TAF1: variants seen among roughly 807,000 people sequenced by gnomAD.
The protein encoded by TAF1 is TATA-box binding protein associated factor 1, also known as transcription initiation factor TFIID subunit 1.
In TAF1, 2 loss-of-function variants were observed where a neutral mutation model predicts 138.5. The ratio of observed to expected loss-of-function variants is 0.01; its 90% CI spans 0.01 to 0.05. The LOEUF (loss-of-function observed/expected upper bound fraction) is 0.05. Ranked by LOEUF, TAF1 falls within the 10% of genes least tolerant of loss-of-function variation. TAF1 has a pLI of 1.00. For synonymous variants in TAF1, 437 were observed against 503.2 expected (o/e 0.87, Z 1.76); for missense variants, 709 against 1,478.0 (o/e 0.48, Z 8.53).
At chrX:71,463,735 TG>T in intron 37 of TAF1, 88 bp from the exon 38 acceptor site, 1 of 894,300 alleles carries the variant, frequency 1.1e-6, no homozygotes, top group Non-Finnish European at 1.6e-6. Flanking sequence ...GGAGGTGAGA[TG>T]GGCTGATCCT....
intron 13 of TAF1, among the ~76,000 whole-genome samples, chrX:71,505,312 G>T (rs1017652012): frequency 7.5e-4 from 83 of 111,100 alleles, no homozygotes; most frequent in African/African-American, 2.4e-3. Context: ...TTAAGCATGG[G>T]CTGGGCTGCA....
intron 22 of TAF1, 36 bp downstream of exon 22, chrX:71,394,281 G>T: frequency 1.7e-6 from 2 of 1,165,399 alleles, no homozygotes; most frequent in Admixed American, 5.2e-5. Context: ...ATAAAAAAGA[G>T]AAGGGTTAAA....
chrX:71,468,844 A>C (rs1188644717), downstream of TAF1, among the ~76,000 whole-genome samples: 1 of 104,870 alleles, frequency 9.5e-6, no homozygotes. Context: ...AAAAAAAGGG[A>C]GCAAGCATAG....
rs2038684171 is a variant in TAF1 at position 71,464,555 on chromosome X, A to G, written c.*509A>G. On this transcript the variant is annotated 3_prime_UTR_variant, in exon 38 of 38. Coordinates refer to ENST00000423759, the MANE Select transcript of TAF1 (RefSeq NM_004606.5). ...CCGCATCTCTACTAAAAATACAAAA[A>G]TTAGCCAGGTGTGGTGGCGTATGCC... 1 of 243,271 alleles carries G rather than the reference A, an allele frequency of 4.1e-6. No individual in the cohort carries two copies. Among genetic ancestry groups the G allele is most frequent in the East Asian group, 6.4e-5 (1 of 15,714 alleles). 20.0% of individuals were successfully genotyped at this position (243,271 alleles called of 1,213,427 possible).
intron 13 of TAF1, among the ~76,000 whole-genome samples, chrX:71,515,971 A>G (rs1405301608): frequency 9.0e-6 from 1 of 111,539 alleles, no homozygotes; most frequent in African/African-American, 3.3e-5. Context: ...GGATGTATCT[A>G]AAGTAGTGAA....
chrX:71,368,029 G>A, intron 2 of TAF1, 25 bp from the exon 3 acceptor site: 1 of 1,173,758 alleles, frequency 8.5e-7, no homozygotes, highest in East Asian at 3.0e-5. Flanking sequence ...TACTGTTGTT[G>A]CGATTCTCCC....
chrX:71,419,906 C>G (rs1456224929), intron 28 of TAF1, among the ~76,000 whole-genome samples: 1 of 111,704 alleles, frequency 9.0e-6, no homozygotes, highest in Admixed American at 9.4e-5. Context: ...TAAAGCAGGT[C>G]CCTCCTCAGC....
intron 13 of TAF1, among the ~76,000 whole-genome samples, chrX:71,508,849 G>A (rs951328743): frequency 4.7e-5 from 5 of 106,365 alleles, no homozygotes; most frequent in Non-Finnish European, 7.7e-5. Context: ...CTCTGTTGCC[G>A]AGCCTGGAGT....
At chrX:71,504,394 A>T (rs945824886) in intron 13 of TAF1, among the ~76,000 whole-genome samples, 3 of 110,128 alleles carry the variant, frequency 2.7e-5, no homozygotes, top group African/African-American at 9.9e-5. Context: ...TCTGGCCCTC[A>T]AGGGGAAAAC....
intron 13 of TAF1, among the ~76,000 whole-genome samples, chrX:71,523,180 C>CAA (rs754302629): frequency 5.9e-4 from 9 of 15,348 alleles, no homozygotes; most frequent in Non-Finnish European, 8.0e-4. Context: ...GACTCCCTCT[C>CAA]AAAAAAAAAA....
At chrX:71,453,084 G>GGA (rs747834686) in intron 32 of TAF1, among the ~76,000 whole-genome samples, 2 of 110,395 alleles carry the variant, frequency 1.8e-5, no homozygotes, top group Non-Finnish European at 3.8e-5. Flanking sequence ...TGGGGAGACG[G>GGA]GAGAGAGAGA....
At chrX:71,410,659 G>T (rs145019410) in intron 28 of TAF1, among the ~76,000 whole-genome samples, 4 of 109,240 alleles carry the variant, frequency 3.7e-5, no homozygotes, top group Admixed American at 9.8e-5. Context: ...GGGTTTCACC[G>T]TGTTAGCCAG....
intron 32 of TAF1, among the ~76,000 whole-genome samples, chrX:71,452,878 G>A (rs1602727114): frequency 8.9e-6 from 1 of 112,518 alleles, no homozygotes; most frequent in East Asian, 2.8e-4. Flanking sequence ...GGCCAACACA[G>A]CGAAACCCGG....
intron 28 of TAF1, chrX:71,419,997 T>G: frequency 3.6e-6 from 1 of 274,426 alleles, no homozygotes; most frequent in Non-Finnish European, 6.6e-6. Context: ...TCATCTTCTG[T>G]TTTTTGTTTG....
intron 28 of TAF1, among the ~76,000 whole-genome samples, chrX:71,410,823 C>T (rs1402506135): frequency 1.8e-5 from 2 of 110,609 alleles, no homozygotes. Context: ...TGCTGTGTCG[C>T]CCAGGCTGGA....
At chrX:71,449,646 G>T (rs971449595) in intron 32 of TAF1, among the ~76,000 whole-genome samples, 3 of 112,502 alleles carry the variant, frequency 2.7e-5, no homozygotes, top group Admixed American at 9.4e-5. Flanking sequence ...ATAGGCTGGG[G>T]TTTTAGCCAT....
rs73543087 is a variant in TAF1, at chrX:71,420,214, C to G, written c.4385-1095C>G. 16,517 of 699,347 alleles carry G rather than the reference C, an allele frequency of 0.024. 1,162 individuals carry two copies. In the African/African-American group the frequency reaches 0.25, roughly 11 times the overall value. 57.6% of individuals were successfully genotyped at this position (699,347 alleles called of 1,213,427 possible). On this transcript the variant is annotated intron_variant, in intron 28 of 37. Transcript: ENST00000423759. The stretch of plus-strand genomic sequence containing the variant: ...GTGGTCCGGGCATGGTAGCGGGCTC[C>G]TGGAAAACCCCGATCTGTTGTGCTG...
chrX:71,369,628 C>T (rs1216524154), intron 3 of TAF1, among the ~76,000 whole-genome samples: 2 of 93,760 alleles, frequency 2.1e-5, no homozygotes, highest in African/African-American at 4.0e-5. Flanking sequence ...TTTTTTGAGA[C>T]GGAGTCTCGC....
At chrX:71,453,019 C>T (rs1265013258) in intron 32 of TAF1, among the ~76,000 whole-genome samples, 1 of 111,033 alleles carries the variant, frequency 9.0e-6, no homozygotes, top group Non-Finnish European at 1.9e-5. Context: ...CAGCACAGTC[C>T]AGCTTCGGCT....
Sources: gnomAD v4.1 joint callset for allele counts (sites outside exome capture counted in the v4.1 genomes callset) on GRCh38, gnomAD v4.1.1 for gene constraint, MANE v1.5 for transcripts, NCBI Gene and HGNC (gene_info 2026-07-23, HGNC 2026-07-21) for gene names.